The following DCC variants were observed in gnomAD, a reference collection of about 807,000 sequenced individuals.
DCC encodes the protein DCC netrin 1 receptor.
DCC carries 58 observed loss-of-function variants against 172.5 expected under a neutral mutation model. The observed-to-expected ratio is 0.34, with a 90% CI of 0.27 to 0.42. The LOEUF is 0.42. DCC is among the 10% of genes least tolerant of loss of function. The probability of loss-of-function intolerance (pLI) is 1.00; values close to 1 mark genes in which losing one functional copy is unlikely to be tolerated. For synonymous variants in DCC, 709 were observed against 644.5 expected (o/e 1.10, Z -1.52); for missense variants, 1,740 against 1,791.0 (o/e 0.97, Z 0.51).
rs1163050119 is a variant in DCC at position 53,083,719 on chromosome 18, G to A, written c.1261+17553G>A. Among the ~76,000 whole-genome samples, 5 of 152,112 alleles carry A rather than the reference G, an allele frequency of 3.3e-5. No homozygotes were observed. In the East Asian group the frequency reaches 7.7e-4, roughly 23 times the overall value. ...AAAAAATCTAGCTCTTTGTTTACAT[G>A]TGCATAGAGACCTGATTAAAATTTG... On this transcript the variant is annotated intron_variant, in intron 7 of 28. Transcript: ENST00000442544.
rs747320816 is a variant in DCC at position 53,468,009 on chromosome 18, T to C, written c.3735T>C (p.Pro1245=). The C allele has an allele frequency of 1.3e-6, 2 of 1,487,018 alleles. No homozygotes were observed. The highest frequency in any genetic ancestry group is 4.5e-5 in the East Asian group (2 of 44,302). The allele number at this position is 1,487,018 out of a possible 1,614,324, so 92.1% of individuals were successfully genotyped here. The change falls in exon 25 of 29, where the codon CCT becomes CCC. Residue 1245 remains proline, a splice_region_variant and synonymous_variant. Transcript: ENST00000442544. ...MIPMDAQSNN[P]AVVSAIPVPT... ...CCATGGATGCCCAGTCCAACAATCCTGGTGAGTCAATATTGGTGCCACAAT... is the reference window on the plus strand; with the variant it reads ...CCATGGATGCCCAGTCCAACAATCCCGGTGAGTCAATATTGGTGCCACAAT...
intron 3 of DCC, among the ~76,000 whole-genome samples, chr18:52,919,994 T>C (rs2145478922): frequency 8.1e-6 from 1 of 122,928 alleles, no homozygotes; most frequent in African/African-American, 3.1e-5. Flanking sequence ...CAACAAGTGG[T>C]ACTGGAACAA....
rs148789246 is a variant in DCC at position 53,459,229 on chromosome 18, T to C, written c.3393-3T>C. The stretch of plus-strand genomic sequence containing the variant: ...ACATTTGCCTTCTAACTTTGTTCCA[T>C]AGGAAACGGGCCACCCACAGTGCTG... On this transcript the variant is annotated splice_region_variant and splice_polypyrimidine_tract_variant and intron_variant, in intron 23 of 28. Transcript: ENST00000442544. 1.2e-4 allele frequency: 189 copies of C among 1,613,214 alleles called. No homozygotes were observed. In the African/African-American group the frequency reaches 2.3e-3, roughly 19 times the overall value.
intron 1 of DCC, among the ~76,000 whole-genome samples, chr18:52,567,504 T>C (rs945654727): frequency 6.6e-6 from 1 of 152,114 alleles, no homozygotes; most frequent in Non-Finnish European, 1.5e-5. Context: ...AACTTCTCTG[T>C]GTCACAGGTT....
chr18:53,241,453 T>C (rs2056292602), intron 12 of DCC, among the ~76,000 whole-genome samples: 1 of 152,100 alleles, frequency 6.6e-6, no homozygotes, highest in African/African-American at 2.4e-5. Context: ...CAAGGGGTTG[T>C]CTCCCTGATG....
intron 5 of DCC, among the ~76,000 whole-genome samples, chr18:53,024,682 C>CT (rs1599039551): frequency 6.6e-6 from 1 of 152,092 alleles, no homozygotes; most frequent in African/African-American, 2.4e-5. Context: ...CTTTGATCTA[C>CT]TTTTAAGTAA....
intron 23 of DCC, among the ~76,000 whole-genome samples, chr18:53,453,559 G>A (rs753703255): frequency 3.9e-5 from 6 of 152,010 alleles, no homozygotes; most frequent in Non-Finnish European, 7.4e-5. Flanking sequence ...AAGTGTCTAT[G>A]CATTTAATAA....
intron 1 of DCC, among the ~76,000 whole-genome samples, chr18:52,568,464 C>T (rs1051654282): frequency 2.0e-5 from 3 of 152,148 alleles, no homozygotes; most frequent in African/African-American, 7.2e-5. Context: ...TGACTCTTTA[C>T]AGAGTTGTTA....
chr18:52,580,711 A>C (rs1305328354), intron 1 of DCC, among the ~76,000 whole-genome samples: 1 of 152,178 alleles, frequency 6.6e-6, no homozygotes. Flanking sequence ...CTAGAGCAGC[A>C]CTGTTATTGA....
At chr18:52,404,745 C>T (rs1446837960) in intron 1 of DCC, among the ~76,000 whole-genome samples, 1 of 151,028 alleles carries the variant, frequency 6.6e-6, no homozygotes, top group African/African-American at 2.4e-5. Flanking sequence ...ATGTGCGATG[C>T]TGGTGCGCTG....
intron 24 of DCC, among the ~76,000 whole-genome samples, chr18:53,465,527 T>G (rs2045610231): frequency 6.6e-6 from 1 of 152,166 alleles, no homozygotes; most frequent in South Asian, 2.1e-4. Context: ...TCTGTAGTTT[T>G]AAGAAGCTGA....
At chr18:52,634,747 T>C (rs9951778) in intron 1 of DCC, among the ~76,000 whole-genome samples, 144,391 of 152,218 alleles carry the variant, frequency 0.95, 68,986 homozygotes, top group East Asian at 1. Flanking sequence ...CTTTGGTATC[T>C]TGATCTGCTA....
chr18:53,346,445 C>T (rs2057726307), intron 15 of DCC, among the ~76,000 whole-genome samples: 1 of 152,100 alleles, frequency 6.6e-6, no homozygotes, highest in Non-Finnish European at 1.5e-5. Context: ...CTTATACATT[C>T]TCACAACTGT....
At chr18:53,473,575 A>C (rs1044992766) in intron 25 of DCC, among the ~76,000 whole-genome samples, 1 of 152,320 alleles carries the variant, frequency 6.6e-6, no homozygotes, top group Middle Eastern at 3.4e-3. Context: ...GAAAATGTTT[A>C]ATATTATTCA....
At chr18:52,786,082 G>T (rs923567951) in intron 2 of DCC, among the ~76,000 whole-genome samples, 1 of 152,172 alleles carries the variant, frequency 6.6e-6, no homozygotes, top group Non-Finnish European at 1.5e-5. Flanking sequence ...AGCAAATCTT[G>T]CAAGTGTGGT....
At chr18:52,350,244 C>T (rs567534866) in intron 1 of DCC, among the ~76,000 whole-genome samples, 4 of 152,324 alleles carry the variant, frequency 2.6e-5, no homozygotes, top group African/African-American at 9.6e-5. Flanking sequence ...AGGTAGGATA[C>T]AAGGTAGAAC....
At chr18:53,259,643 A>G (rs978578572) in intron 12 of DCC, among the ~76,000 whole-genome samples, 1 of 151,384 alleles carries the variant, frequency 6.6e-6, no homozygotes, top group Non-Finnish European at 1.5e-5. Context: ...TGCCCTTAAC[A>G]TTTTTTCCTT....
intron 12 of DCC, among the ~76,000 whole-genome samples, chr18:53,224,509 A>G (rs1238688810): frequency 1.3e-5 from 2 of 152,136 alleles, no homozygotes; most frequent in Non-Finnish European, 2.9e-5. Flanking sequence ...TACACTGACT[A>G]CTGTGGGAAA....
intron 1 of DCC, among the ~76,000 whole-genome samples, chr18:52,367,897 A>C (rs1454331000): frequency 6.6e-6 from 1 of 152,222 alleles, no homozygotes; most frequent in Non-Finnish European, 1.5e-5. Context: ...CATGCTGCTC[A>C]GAGTCACAGA....
Sources: gnomAD v4.1 joint callset for allele counts (sites outside exome capture counted in the v4.1 genomes callset) on GRCh38, gnomAD v4.1.1 for gene constraint, MANE v1.5 for transcripts, NCBI Gene and HGNC (gene_info 2026-07-23, HGNC 2026-07-21) for gene names.